The following LDHC variants were observed in gnomAD, a reference collection of about 807,000 sequenced individuals.
LDHC encodes the protein L-lactate dehydrogenase C chain.
In LDHC, 20 loss-of-function variants were observed where a neutral mutation model predicts 30.2. The ratio of observed to expected loss-of-function variants is 0.66; its 90% CI spans 0.47 to 0.96. LDHC has a LOEUF of 0.96. Ranked by LOEUF, LDHC falls within the 40% of genes least tolerant of loss-of-function variation. The pLI is 0.00. For missense variants in LDHC, 362 were observed against 394.9 expected, an observed-to-expected ratio of 0.92 and a Z score of 0.71; for synonymous variants, 139 against 132.7, an observed-to-expected ratio of 1.05 and a Z score of -0.32.
intron 6 of LDHC, among the ~76,000 whole-genome samples, chr11:18,443,709 C>T (rs1848504861): frequency 1.3e-5 from 2 of 152,154 alleles, no homozygotes; most frequent in African/African-American, 2.4e-5. Flanking sequence ...ATCTGCCCAC[C>T]TTGGCCTCCC....
chr11:18,439,208 A>C (rs1422754909), intron 6 of LDHC, among the ~76,000 whole-genome samples: 2 of 152,202 alleles, frequency 1.3e-5, no homozygotes, highest in Non-Finnish European at 2.9e-5. Flanking sequence ...CCTTAACAGC[A>C]CACAGGATTA....
intron 5 of LDHC, among the ~76,000 whole-genome samples, chr11:18,437,751 C>CAA (rs11308924): frequency 1.9e-3 from 246 of 126,402 alleles, no homozygotes; most frequent in African/African-American, 5.9e-3. Flanking sequence ...GACTCCCTCT[C>CAA]AAAAAAAAAA....
At position 18,422,270 on chromosome 11, in the gene LDHC, T is replaced by C. The variant is rs1011897904; in HGVS notation, c.244+6969T>C. ...GACAGACAAAGTTAGTAATCAGAAA[T>C]CAAGGCCGGGCACGATGGCCCATGC... On this transcript the variant is annotated intron_variant, in intron 3 of 7. Transcript: ENST00000541669. Among the ~76,000 whole-genome samples the C allele has an allele frequency of 6.6e-5, 10 of 151,748 alleles. 1 individual carries two copies. The highest frequency in any genetic ancestry group is 2.4e-4 in the African/African-American group (10 of 41,280).
At chr11:18,416,229 T>C (rs538629367) in intron 3 of LDHC, among the ~76,000 whole-genome samples, 3 of 152,336 alleles carry the variant, frequency 2.0e-5, no homozygotes, top group African/African-American at 4.8e-5. Context: ...TTCTGTAATA[T>C]TATTAATACA....
At chr11:18,419,772 G>A (rs1005387944) in intron 3 of LDHC, among the ~76,000 whole-genome samples, 2 of 151,964 alleles carry the variant, frequency 1.3e-5, no homozygotes, top group Admixed American at 1.3e-4. Flanking sequence ...ATTAAAAAAG[G>A]AACAAAATAT....
Position 18,451,063 on chromosome 11 carries a change from A to G in LDHC, c.935A>G (p.Glu312Gly). ...DVVKINLNSE[E>G]EALFKKSAET... ...GTGAAAATTAACTTGAATTCTGAGG[A>G]GGAGGCCCTTTTCAAGAAGAGTGCA... The change falls in exon 8 of 8, where the codon GAG becomes GGG. Residue 312 changes from glutamate to glycine, a missense_variant. By Grantham distance (98) the Glu-to-Gly change is moderately conservative. Transcript: ENST00000541669. 6.3e-7 allele frequency: 1 copy of G among 1,589,514 alleles called. No homozygotes were observed.
chr11:18,415,157 T>G, intron 2 of LDHC, 27 bp from the exon 3 acceptor site: 2 of 1,315,418 alleles, frequency 1.5e-6, no homozygotes, highest in Non-Finnish European at 2.2e-6. Context: ...GTAGGAACAT[T>G]TTATTCAGAA....
chr11:18,444,547 C>G (rs1848517064), intron 6 of LDHC, among the ~76,000 whole-genome samples: 1 of 142,716 alleles, frequency 7.0e-6, no homozygotes, highest in Admixed American at 7.3e-5. Flanking sequence ...GACTGATAGT[C>G]AAATCATAGG....
chr11:18,443,235 A>G (rs1848496450), intron 6 of LDHC, among the ~76,000 whole-genome samples: 1 of 152,078 alleles, frequency 6.6e-6, no homozygotes, highest in South Asian at 2.1e-4. Context: ...ATTTTCAGCT[A>G]TAGGGGCCAG....
intron 1 of LDHC, 87 bp from the exon 2 acceptor site, chr11:18,412,622 C>T: frequency 7.9e-7 from 1 of 1,258,452 alleles, no homozygotes; most frequent in Non-Finnish European, 1.1e-6. Context: ...TCCCCCCATC[C>T]CCGGCTCCAA....
At chr11:18,419,024 CAT>C (rs1731320109) in intron 3 of LDHC, among the ~76,000 whole-genome samples, 1 of 148,554 alleles carries the variant, frequency 6.7e-6, no homozygotes, top group Admixed American at 6.8e-5. Context: ...TTCACTGACT[CAT>C]AAAATTTAGG....
intron 3 of LDHC, among the ~76,000 whole-genome samples, chr11:18,417,725 G>A (rs1279698708): frequency 6.6e-6 from 1 of 152,108 alleles, no homozygotes; most frequent in African/African-American, 2.4e-5. Context: ...TGCTTTTAAT[G>A]TCTTCCCAGG....
At chr11:18,443,020 C>T (rs1848494469) in intron 6 of LDHC, among the ~76,000 whole-genome samples, 1 of 152,054 alleles carries the variant, frequency 6.6e-6, no homozygotes, top group Non-Finnish European at 1.5e-5. Flanking sequence ...AGTTTTAGGT[C>T]AATTTACCAA....
In LDHC at chr11:18,438,532, C is replaced by A. The variant is rs757989721; in HGVS notation, c.597C>A (p.Pro199=). 6.3e-7 allele frequency: 1 copy of A among 1,598,854 alleles called. No individual in the cohort carries two copies. The highest frequency in any genetic ancestry group is 8.6e-7 in the Non-Finnish European group (1 of 1,166,468). Residue 199 remains proline, a synonymous_variant, in exon 6 of 8, where the codon CCC becomes CCA. Transcript: ENST00000541669. ...TTTGAGATCTGTATTTTTTAGTGCC[C>A]TTATGGAGTGGGGTGAATGTTGCTG... ...IIGEHGDSSV[P]LWSGVNVAGV... is the part of the protein sequence containing the mutation.
chr11:18,443,546 G>T (rs1316147027), intron 6 of LDHC, among the ~76,000 whole-genome samples: 6 of 146,882 alleles, frequency 4.1e-5, no homozygotes, highest in African/African-American at 7.6e-5. Context: ...TGCAACCTCT[G>T]ACTCCCAGGC....
intron 4 of LDHC, among the ~76,000 whole-genome samples, chr11:18,432,017 G>GT (rs1373990813): frequency 2.0e-4 from 31 of 152,028 alleles, no homozygotes; most frequent in African/African-American, 7.2e-4. Flanking sequence ...TTTGGGTTTG[G>GT]TTTGTTCTTG....
intron 6 of LDHC, among the ~76,000 whole-genome samples, chr11:18,443,999 C>G (rs1848508005): frequency 6.6e-6 from 1 of 152,132 alleles, no homozygotes; most frequent in Non-Finnish European, 1.5e-5. Flanking sequence ...TATCTAAAAA[C>G]TACTCAGCTC....
At chr11:18,441,509 A>G (rs1848465802) in intron 6 of LDHC, among the ~76,000 whole-genome samples, 3 of 151,254 alleles carry the variant, frequency 2.0e-5, no homozygotes, top group African/African-American at 4.8e-5. Flanking sequence ...GGGTTTCACC[A>G]TGTTGGCCAG....
In LDHC at chr11:18,429,780, A is replaced by G. The variant is rs780177076; in HGVS notation, c.288A>G (p.Ala96=). 6.2e-7 allele frequency: 1 copy of G among 1,612,354 alleles called. No homozygotes were observed. Among genetic ancestry groups the G allele is most frequent in the Non-Finnish European group, 8.5e-7 (1 of 1,178,880 alleles). ...ACTCCAGAATAGTTATTGTCACAGC[A>G]GGTGCAAGGCAGCAGGAGGGAGAAA... ...SANSRIVIVT[A]GARQQEGETR... The change falls in exon 4 of 8, where the codon GCA becomes GCG. Residue 96 remains alanine (A), a synonymous_variant. Coordinates refer to ENST00000541669, the MANE Select transcript of LDHC (RefSeq NM_017448.5).
Sources: allele counts gnomAD v4.1 joint callset (sites outside exome capture counted in the v4.1 genomes callset), GRCh38; gene constraint gnomAD v4.1.1; transcripts MANE v1.5; gene names NCBI Gene and HGNC (gene_info 2026-07-23, HGNC 2026-07-21).